OCA2: variants seen among roughly 807,000 people sequenced by gnomAD.
The protein encoded by OCA2 is OCA2 melanosomal transmembrane protein.
OCA2 carries 77 observed loss-of-function variants against 100.2 expected under a neutral mutation model. The ratio of observed to expected loss-of-function variants is 0.77; its 90% CI spans 0.64 to 0.93. OCA2 has a LOEUF of 0.93. OCA2 is among the 40% of genes least tolerant of loss of function. OCA2 has a pLI of 0.00. For synonymous variants in OCA2, 432 were observed against 439.2 expected (o/e 0.98, Z 0.21); for missense variants, 1,062 against 1,089.1 (o/e 0.98, Z 0.35).
intron 18 of OCA2, among the ~76,000 whole-genome samples, chr15:27,936,690 G>A (rs1023459654): frequency 3.9e-5 from 6 of 152,112 alleles, no homozygotes; most frequent in African/African-American, 1.4e-4. Context: ...GCAGGACACA[G>A]GCTTAGAACC....
intron 2 of OCA2, among the ~76,000 whole-genome samples, chr15:28,042,456 A>C (rs1394928407): frequency 6.9e-6 from 1 of 145,358 alleles, no homozygotes; most frequent in African/African-American, 2.5e-5. Context: ...AGGAAACCCT[A>C]TCTCTACTAA....
At chr15:27,906,722 T>A (rs964890316) in intron 19 of OCA2, among the ~76,000 whole-genome samples, 2 of 149,234 alleles carry the variant, frequency 1.3e-5, no homozygotes, top group African/African-American at 4.8e-5. Context: ...GAGCAATATT[T>A]TTAAAAATAA....
At chr15:27,807,268 G>A (rs1274276069) in intron 23 of OCA2, among the ~76,000 whole-genome samples, 2 of 152,104 alleles carry the variant, frequency 1.3e-5, no homozygotes, top group Non-Finnish European at 2.9e-5. Flanking sequence ...TCTTTCCCCA[G>A]GGCTCCTCCA....
At chr15:27,979,573 T>A (rs1166021803) in intron 14 of OCA2, among the ~76,000 whole-genome samples, 4 of 152,204 alleles carry the variant, frequency 2.6e-5, no homozygotes. Flanking sequence ...TTTGTTGGCA[T>A]TAGCTGTTAC....
chr15:27,742,252 G>A, the OCA2 span, among the ~76,000 whole-genome samples: 1 of 152,290 alleles, frequency 6.6e-6, no homozygotes, highest in East Asian at 1.9e-4. Context: ...AGCAAATGGG[G>A]CCTCTCTGGC....
At chr15:27,935,116 C>T (rs976268329) in intron 18 of OCA2, among the ~76,000 whole-genome samples, 8 of 152,190 alleles carry the variant, frequency 5.3e-5, no homozygotes, top group South Asian at 2.1e-4. Flanking sequence ...AAGCCACTGA[C>T]GGAAACATCC....
At chr15:27,776,436 C>G (rs1183251025) in intron 23 of OCA2, 1 of 152,254 alleles carries the variant, frequency 6.6e-6, no homozygotes, top group Non-Finnish European at 1.5e-5. Context: ...TAATTATTTT[C>G]CCCTGCTTAA....
intron 16 of OCA2, 28 bp from the exon 17 acceptor site, chr15:27,955,243 C>A: frequency 6.5e-7 from 1 of 1,545,260 alleles, no homozygotes; most frequent in Non-Finnish European, 8.9e-7. Flanking sequence ...AGACTCATTA[C>A]TTCCCTGGTC....
intron 14 of OCA2, among the ~76,000 whole-genome samples, chr15:27,981,921 G>A (rs548891197): frequency 6.6e-6 from 1 of 152,260 alleles, no homozygotes; most frequent in South Asian, 2.1e-4. Context: ...CTGCACTCTG[G>A]AAGCTCTCTT....
intron 22 of OCA2, among the ~76,000 whole-genome samples, chr15:27,846,011 G>A (rs939035891): frequency 1.3e-5 from 2 of 152,164 alleles, no homozygotes; most frequent in Non-Finnish European, 2.9e-5. Flanking sequence ...GTCAGGTCGG[G>A]AAGTGGCAAG....
intron 1 of OCA2, among the ~76,000 whole-genome samples, chr15:28,085,547 G>C (rs1367813539): frequency 1.3e-5 from 2 of 152,128 alleles, no homozygotes; most frequent in Non-Finnish European, 2.9e-5. Context: ...AAACGTCCCA[G>C]AATGGCTGTG....
chr15:27,954,505 C>T (rs371425166), intron 17 of OCA2, among the ~76,000 whole-genome samples: 3 of 152,272 alleles, frequency 2.0e-5, no homozygotes, highest in East Asian at 1.9e-4. Flanking sequence ...ACACCTGACT[C>T]GCATGGAGAG....
Position 28,024,842 on chromosome 15 carries a change from C to T in OCA2, c.573+3G>A, listed in dbSNP as rs751829678. 42 of 1,614,068 alleles carry T rather than the reference C, an allele frequency of 2.6e-5. No homozygotes were observed. In the Middle Eastern group the frequency reaches 1.3e-3, roughly 51 times the overall value. On this transcript the variant is annotated splice_donor_region_variant and intron_variant, in intron 5 of 23. Coordinates refer to ENST00000354638, the MANE Select transcript of OCA2 (RefSeq NM_000275.3). Reference sequence around the variant, plus strand: ...GTAGTGCTGGGGCAGCTAAGGTACTCACAGAACACAGCACCACAAAGGCAA... The same window carrying T: ...GTAGTGCTGGGGCAGCTAAGGTACTTACAGAACACAGCACCACAAAGGCAA...
At chr15:28,066,929 C>G (rs971525117) in intron 2 of OCA2, among the ~76,000 whole-genome samples, 2 of 152,202 alleles carry the variant, frequency 1.3e-5, no homozygotes, top group African/African-American at 2.4e-5. Flanking sequence ...ATCAAAAAAT[C>G]TTTTAATCTA....
intron 1 of OCA2, among the ~76,000 whole-genome samples, chr15:28,083,406 G>A (rs778526212): frequency 6.6e-6 from 1 of 152,186 alleles, no homozygotes. Flanking sequence ...CACTTATGCT[G>A]AGAGTGATCA....
At chr15:27,720,983 G>A in the OCA2 span, among the ~76,000 whole-genome samples, 176 of 152,260 alleles carry the variant, frequency 1.2e-3, 1 homozygote, top group East Asian at 0.018. Context: ...TGAGCAGGAC[G>A]GAGCTGGAAG....
chr15:28,090,793 G>A (rs1022735444), intron 1 of OCA2, among the ~76,000 whole-genome samples: 2 of 151,696 alleles, frequency 1.3e-5, no homozygotes, highest in African/African-American at 4.8e-5. Flanking sequence ...AAAAGAAGAG[G>A]AAAATAAACC....
At chr15:28,015,081 G>A (rs41276936) in intron 8 of OCA2, 152 bp from the exon 9 acceptor site, 8,705 of 849,208 alleles carry the variant, frequency 0.01, 99 homozygotes, top group Non-Finnish European at 0.013. Context: ...ACAGGCCAGC[G>A]GCGTGAGACA....
At chr15:27,791,244 A>G (rs1247088172) in intron 23 of OCA2, among the ~76,000 whole-genome samples, 1 of 152,220 alleles carries the variant, frequency 6.6e-6, no homozygotes, top group Non-Finnish European at 1.5e-5. Flanking sequence ...AATACACATC[A>G]TGTATTTGCC....
Sources: gnomAD v4.1 joint callset for allele counts (sites outside exome capture counted in the v4.1 genomes callset) on GRCh38, gnomAD v4.1.1 for gene constraint, MANE v1.5 for transcripts, NCBI Gene and HGNC (gene_info 2026-07-23, HGNC 2026-07-21) for gene names.